The following PTPRR variants were observed in gnomAD, a reference collection of about 807,000 sequenced individuals.
PTPRR encodes receptor-type tyrosine-protein phosphatase R.
In PTPRR, 38 loss-of-function variants were observed where a neutral mutation model predicts 77.2. The observed-to-expected ratio is 0.49, with a 90% CI of 0.38 to 0.65. The LOEUF (loss-of-function observed/expected upper bound fraction) is 0.65. Among genes scored for constraint, PTPRR ranks in the 30% least tolerant of loss-of-function variants. The probability of loss-of-function intolerance (pLI) is 0.00; values close to 1 mark genes in which losing one functional copy is unlikely to be tolerated. For missense variants in PTPRR, 744 were observed against 799.2 expected (o/e 0.93, Z 0.83); for synonymous variants, 299 against 283.1 (o/e 1.06, Z -0.57).
rs116180946 is a variant in PTPRR, at chr12:70,733,672, A to G, written c.1007+12146T>C. Among the ~76,000 whole-genome samples the G allele has an allele frequency of 9.0e-3, 1,374 of 152,234 alleles. 22 individuals are homozygous for G. The highest frequency in any genetic ancestry group is 0.031 in the African/African-American group (1,303 of 41,530). On this transcript the variant is annotated intron_variant, in intron 6 of 13. Coordinates refer to ENST00000283228, the MANE Select transcript of PTPRR (RefSeq NM_002849.4). Reference sequence around the variant, plus strand: ...GATTGTACCCAGATAATCATGCTGCATTGCTAAATGGGAACGACACTTTAA... The same window carrying G: ...GATTGTACCCAGATAATCATGCTGCGTTGCTAAATGGGAACGACACTTTAA...
Position 70,837,105 on chromosome 12 carries a change from T to G in PTPRR, c.357+55574A>C, listed in dbSNP as rs559378433. Among the ~76,000 whole-genome samples, 3 of 151,512 alleles carry G rather than the reference T, an allele frequency of 2.0e-5. No individual in the cohort carries two copies. The East Asian group carries it at 5.8e-4, about 29-fold the overall frequency. ...AGAATACAATTGGGAACAAAAGGCT[T>G]AAAAAAAAGGCAAGCAGAGATAAAA... On this transcript the variant is annotated intron_variant, in intron 2 of 13. Coordinates refer to ENST00000283228, the MANE Select transcript of PTPRR (RefSeq NM_002849.4).
intron 13 of PTPRR, among the ~76,000 whole-genome samples, chr12:70,648,572 T>C (rs533055255): frequency 6.6e-5 from 10 of 152,284 alleles, no homozygotes; most frequent in Middle Eastern, 3.4e-3. Flanking sequence ...CAGAAAAGGT[T>C]GGAGATCACT....
At chr12:70,766,642 C>T in intron 2 of PTPRR, among the ~76,000 whole-genome samples, 1 of 150,898 alleles carries the variant, frequency 6.6e-6, no homozygotes. Flanking sequence ...GGCCAGCATT[C>T]AGATTCAGGA....
intron 2 of PTPRR, among the ~76,000 whole-genome samples, chr12:70,815,415 A>G (rs1891885697): frequency 6.6e-6 from 1 of 152,224 alleles, no homozygotes; most frequent in East Asian, 1.9e-4. Flanking sequence ...TGAAAAATCT[A>G]TAAATTTAAT....
At chr12:70,761,845 C>G (rs1009446471) in intron 3 of PTPRR, among the ~76,000 whole-genome samples, 4 of 152,102 alleles carry the variant, frequency 2.6e-5, no homozygotes, top group Non-Finnish European at 1.5e-5. Context: ...TTGCCACCCC[C>G]CAAGATTTGT....
chr12:70,874,748 C>T, intron 2 of PTPRR, among the ~76,000 whole-genome samples: 1 of 151,762 alleles, frequency 6.6e-6, no homozygotes, highest in East Asian at 1.9e-4. Context: ...ATGGTGAAAC[C>T]CTGTCTCCAC....
At chr12:70,851,980 A>G (rs142583533) in intron 2 of PTPRR, among the ~76,000 whole-genome samples, 1 of 152,128 alleles carries the variant, frequency 6.6e-6, no homozygotes, top group African/African-American at 2.4e-5. Context: ...TTTCAGTACC[A>G]TGGTTCTGGG....
At chr12:70,640,686 G>C (rs1885966981) in intron 13 of PTPRR, among the ~76,000 whole-genome samples, 1 of 152,096 alleles carries the variant, frequency 6.6e-6, no homozygotes, top group African/African-American at 2.4e-5. Flanking sequence ...ATAACTTTCA[G>C]ATTATTTAGG....
chr12:70,769,178 G>A (rs368034195), intron 2 of PTPRR, among the ~76,000 whole-genome samples: 9,038 of 145,590 alleles, frequency 0.062, 268 homozygotes, highest in Middle Eastern at 0.079. Flanking sequence ...GGCAGGAGAA[G>A]GAAATAAAGG....
chr12:70,674,421 C>A (rs999026301), intron 10 of PTPRR, among the ~76,000 whole-genome samples: 3 of 152,158 alleles, frequency 2.0e-5, no homozygotes, highest in African/African-American at 7.2e-5. Flanking sequence ...CAGCATCTCA[C>A]AAGATTTGAT....
At chr12:70,857,576 C>T (rs1307737466) in intron 2 of PTPRR, among the ~76,000 whole-genome samples, 2 of 152,096 alleles carry the variant, frequency 1.3e-5, no homozygotes, top group African/African-American at 2.4e-5. Context: ...AAAATGTTAA[C>T]ATATTTGCAG....
At chr12:70,723,470 G>A (rs1450702522) in intron 6 of PTPRR, among the ~76,000 whole-genome samples, 2 of 151,968 alleles carry the variant, frequency 1.3e-5, no homozygotes, top group African/African-American at 4.8e-5. Flanking sequence ...TTTTGCCCAG[G>A]ACTCAATATT....
chr12:70,655,185 A>G (rs1886532399), intron 13 of PTPRR, among the ~76,000 whole-genome samples: 1 of 152,166 alleles, frequency 6.6e-6, no homozygotes, highest in East Asian at 1.9e-4. Context: ...TATAAAAATG[A>G]CTCTTCCATC....
chr12:70,918,024 G>C (rs1421410403), intron 1 of PTPRR, among the ~76,000 whole-genome samples: 1 of 152,132 alleles, frequency 6.6e-6, no homozygotes, highest in Non-Finnish European at 1.5e-5. Flanking sequence ...TTCCATAAAA[G>C]TAACAAACTC....
intron 2 of PTPRR, among the ~76,000 whole-genome samples, chr12:70,851,029 AG>A (rs1892563910): frequency 6.6e-6 from 1 of 152,102 alleles, no homozygotes. Flanking sequence ...CATTATATTT[AG>A]GTATTGTTCT....
intron 6 of PTPRR, among the ~76,000 whole-genome samples, chr12:70,710,785 A>G (rs935194162): frequency 4.6e-5 from 7 of 152,124 alleles, no homozygotes; most frequent in Non-Finnish European, 8.8e-5. Context: ...GCAGTCAACA[A>G]TCATATGAAA....
chr12:70,672,291 C>T (rs1237576826), intron 10 of PTPRR: 10 of 1,591,502 alleles, frequency 6.3e-6, no homozygotes, highest in Non-Finnish European at 8.6e-6. Flanking sequence ...CAGAATGTGC[C>T]CGTGCCCACG....
intron 8 of PTPRR, among the ~76,000 whole-genome samples, chr12:70,695,741 G>C (rs1888208666): frequency 6.6e-6 from 1 of 151,252 alleles, no homozygotes; most frequent in Non-Finnish European, 1.5e-5. Context: ...AAATTTAACA[G>C]AGAGAGAGAG....
intron 10 of PTPRR, among the ~76,000 whole-genome samples, chr12:70,665,364 C>CTTTTTTTTTTTT (rs72472808): frequency 4.7e-4 from 21 of 44,608 alleles, no homozygotes; most frequent in Non-Finnish European, 5.4e-4. Context: ...AATGCAAATT[C>CTTTTTTTTTTTT]TTTTTTTTTT....
Sources: gnomAD v4.1 joint callset for allele counts (sites outside exome capture counted in the v4.1 genomes callset) on GRCh38, gnomAD v4.1.1 for gene constraint, MANE v1.5 for transcripts, NCBI Gene and HGNC (gene_info 2026-07-23, HGNC 2026-07-21) for gene names.